The following MROH9 variants were observed in gnomAD, a reference collection of about 807,000 sequenced individuals.
The protein encoded by MROH9 is maestro heat-like repeat-containing protein family member 9.
A neutral mutation model predicts 98.2 loss-of-function variants in MROH9; 92 were observed. That is an observed-to-expected ratio of 0.94 (90% CI 0.79 to 1.11). MROH9 has a LOEUF of 1.11. Ranked by LOEUF, MROH9 falls within the 50% of genes most tolerant of loss-of-function variation. The pLI is 0.00. For missense variants in MROH9, 1,057 were observed against 1,014.8 expected, an observed-to-expected ratio of 1.04 and a Z score of -0.57; for synonymous variants, 397 against 368.9, an observed-to-expected ratio of 1.08 and a Z score of -0.87.
chr1:171,027,159 G>A (rs1225100097), intron 20 of MROH9, among the ~76,000 whole-genome samples: 1 of 151,144 alleles, frequency 6.6e-6, no homozygotes, highest in African/African-American at 2.4e-5. Flanking sequence ...ATGTGCCATG[G>A]TGGTTCGCTG....
At position 170,958,305 on chromosome 1, in the gene MROH9, G is replaced by A. The variant is rs567811759; in HGVS notation, c.73-156G>A. 3.9e-5 allele frequency among the ~76,000 whole-genome samples: 6 copies of A among 152,194 alleles called. No homozygotes were observed. In the South Asian group the frequency reaches 1.2e-3, roughly 32 times the overall value. On this transcript the variant is annotated intron_variant, in intron 3 of 21. Coordinates refer to ENST00000367759, the MANE Select transcript of MROH9 (RefSeq NM_001163629.2). ...CTATTGTAGATTTAAATTACAGTTT[G>A]GTCTCAACACTTCTATGAACTCTTG... is the stretch of plus-strand genomic sequence containing the variant.
chr1:170,935,982 C>CAAAAAAAAAAAAAAAA (rs59883013), intron 1 of MROH9, among the ~76,000 whole-genome samples: 4 of 62,256 alleles, frequency 6.4e-5, no homozygotes, highest in East Asian at 6.6e-4. Flanking sequence ...CAGAGTGAGA[C>CAAAAAAAAAAAAAAAA]AAAAAAAAAA....
intron 7 of MROH9, among the ~76,000 whole-genome samples, chr1:170,970,316 T>C (rs1557878450): frequency 1.3e-5 from 2 of 151,606 alleles, no homozygotes; most frequent in Admixed American, 6.6e-5. Flanking sequence ...TCATACCCAG[T>C]AGAGAGAGAA....
chr1:171,062,289 A>T, intron 21 of MROH9, 95 bp downstream of exon 21: 1 of 811,072 alleles, frequency 1.2e-6, no homozygotes, highest in South Asian at 1.7e-5. Context: ...TTAGAGTGCC[A>T]GGCCAGACAG....
chr1:171,061,330 A>G (rs191236000), intron 20 of MROH9, among the ~76,000 whole-genome samples: 1 of 152,244 alleles, frequency 6.6e-6, no homozygotes, highest in African/African-American at 2.4e-5. Flanking sequence ...CTGAAGTGGA[A>G]CATAAGCATA....
chr1:170,961,989 T>C lies in MROH9; in HGVS notation c.375+13T>C. The C allele has an allele frequency of 1.4e-6, 2 of 1,414,720 alleles. No individual in the cohort carries two copies. The highest frequency in any genetic ancestry group is 3.0e-5 in the African/African-American group (2 of 66,648). 87.6% of individuals were successfully genotyped at this position (1,414,720 alleles called of 1,614,324 possible). ...ACAGATCTTAAAGGTAAAGAGGAAATAAGTAGTTTAATTTTCTTGTCATAA... is the reference window on the plus strand; with the variant it reads ...ACAGATCTTAAAGGTAAAGAGGAAACAAGTAGTTTAATTTTCTTGTCATAA... On this transcript the variant is annotated intron_variant, in intron 6 of 21. Transcript: ENST00000367759.
chr1:171,024,344 G>A, intron 17 of MROH9, 51 bp from the exon 18 acceptor site: 4 of 1,320,516 alleles, frequency 3.0e-6, no homozygotes, highest in Admixed American at 2.0e-5. Flanking sequence ...ATTACTGATT[G>A]AAGAAAAAAG....
rs866104468 is a variant in MROH9 at position 171,008,740 on chromosome 1, T to A, written c.1597-5377T>A. On this transcript the variant is annotated intron_variant, in intron 15 of 21. Transcript: ENST00000367759. ...TTGTGAATAATCAGTGCATTCCAGC[T>A]TGGGCAACATAGCAAGACCGTATCT... Among the ~76,000 whole-genome samples, 4 of 152,166 alleles carry A rather than the reference T, an allele frequency of 2.6e-5. No individual in the cohort carries two copies. The South Asian group carries it at 6.2e-4, about 24-fold the overall frequency.
chr1:170,983,318 C>T (rs1651004059), intron 8 of MROH9, 104 bp from the exon 9 acceptor site: 4 of 721,546 alleles, frequency 5.5e-6, no homozygotes, highest in Non-Finnish European at 9.1e-6. Flanking sequence ...CGGAAAACTT[C>T]AGATCTCCAG....
At chr1:171,007,352 G>T (rs151009389) in intron 15 of MROH9, among the ~76,000 whole-genome samples, 296 of 152,308 alleles carry the variant, frequency 1.9e-3, no homozygotes, top group Non-Finnish European at 2.9e-3. Flanking sequence ...AGAAACAACA[G>T]ACCTATTACC....
At chr1:171,041,347 A>ATGTGTGTGTG (rs377650131) in intron 20 of MROH9, among the ~76,000 whole-genome samples, 1,172 of 80,594 alleles carry the variant, frequency 0.015, 14 homozygotes, top group African/African-American at 0.021. Flanking sequence ...GTATTCCATG[A>ATGTGTGTGTG]TGTGTGTGTG....
At chr1:171,059,337 A>G (rs1453091957) in intron 20 of MROH9, among the ~76,000 whole-genome samples, 1 of 152,210 alleles carries the variant, frequency 6.6e-6, no homozygotes, top group African/African-American at 2.4e-5. Flanking sequence ...AACCACAATG[A>G]GATACCATCT....
intron 15 of MROH9, among the ~76,000 whole-genome samples, chr1:171,013,694 G>A (rs759266691): frequency 1.3e-5 from 2 of 152,078 alleles, no homozygotes; most frequent in East Asian, 1.9e-4. Context: ...GGTTGCTACC[G>A]TTTCGCTCAC....
chr1:171,023,547 A>C (rs900287598), intron 17 of MROH9, among the ~76,000 whole-genome samples: 6 of 151,872 alleles, frequency 4.0e-5, no homozygotes, highest in Non-Finnish European at 7.4e-5. Flanking sequence ...CATTTTTCAC[A>C]GTTTTTTTAA....
intron 1 of MROH9, among the ~76,000 whole-genome samples, chr1:170,938,045 A>G (rs1489528423): frequency 6.6e-6 from 1 of 152,186 alleles, no homozygotes; most frequent in African/African-American, 2.4e-5. Flanking sequence ...TTTGTATTGC[A>G]GACATACTCT....
chr1:170,952,891 G>A (rs17562923), intron 3 of MROH9, among the ~76,000 whole-genome samples: 12,124 of 152,042 alleles, frequency 0.08, 621 homozygotes, highest in Non-Finnish European at 0.11. Flanking sequence ...TCAAATTATA[G>A]CAGTGAAGGA....
intron 8 of MROH9, among the ~76,000 whole-genome samples, chr1:170,982,723 C>T (rs9426921): frequency 1.3e-5 from 2 of 151,910 alleles, no homozygotes; most frequent in Admixed American, 6.6e-5. Context: ...GACCCTATCT[C>T]TACGAAATAT....
Position 171,024,301 on chromosome 1 carries a change from G to GTGTGTGTGT in MROH9, c.1909-94_1909-93insTGTGTGTGT, listed in dbSNP as rs1553219573. 5.9e-3 allele frequency: 4,204 copies of GTGTGTGTGT among 717,944 alleles called. 17 individuals carry two copies. Among genetic ancestry groups the GTGTGTGTGT allele is most frequent in the Admixed American group, 8.4e-3 (268 of 32,076 alleles). 44.5% of individuals were successfully genotyped at this position (717,944 alleles called of 1,614,324 possible). ...ATATACATATATAGTATATTTATATGGGGTGTGTGTGTGTGTGTGTGTGTG... is the reference window on the plus strand; with the variant it reads ...ATATACATATATAGTATATTTATATGTGTGTGTGTGGGTGTGTGTGTGTGTGTGTGTGTG... On this transcript the variant is annotated intron_variant, in intron 17 of 21. Transcript: ENST00000367759.
intron 12 of MROH9, among the ~76,000 whole-genome samples, chr1:170,992,613 A>G (rs1270306661): frequency 6.6e-6 from 1 of 152,200 alleles, no homozygotes; most frequent in Non-Finnish European, 1.5e-5. Context: ...AGTGACTGGC[A>G]AGGTTTAGGT....
Sources: allele counts gnomAD v4.1 joint callset (sites outside exome capture counted in the v4.1 genomes callset), GRCh38; gene constraint gnomAD v4.1.1; transcripts MANE v1.5; gene names NCBI Gene and HGNC (gene_info 2026-07-23, HGNC 2026-07-21).